Variants in GLRA3 observed in about 807,000 individuals in gnomAD.
GLRA3 encodes the protein glycine receptor subunit alpha-3.
In GLRA3, 44 loss-of-function variants were observed where a neutral mutation model predicts 60.4. That is an observed-to-expected ratio of 0.73 (90% CI 0.57 to 0.94). The LOEUF is 0.94. Ranked by LOEUF, GLRA3 falls within the 40% of genes least tolerant of loss-of-function variation. The pLI is 0.00. For synonymous variants in GLRA3, 223 were observed against 192.9 expected, an observed-to-expected ratio of 1.16 and a Z score of -1.29; for missense variants, 508 against 564.6, an observed-to-expected ratio of 0.90 and a Z score of 1.02.
chr4:174,804,730 G>A (rs1209633717), intron 1 of GLRA3, among the ~76,000 whole-genome samples: 1 of 152,110 alleles, frequency 6.6e-6, no homozygotes, highest in Non-Finnish European at 1.5e-5. Flanking sequence ...TGCACAGAAC[G>A]CGCGGTCCTG....
At chr4:174,745,109 A>G (rs1737190907) in intron 3 of GLRA3, among the ~76,000 whole-genome samples, 1 of 152,216 alleles carries the variant, frequency 6.6e-6, no homozygotes, top group African/African-American at 2.4e-5. Flanking sequence ...GGGAAAAATA[A>G]AGAAAAAAGA....
At chr4:174,740,107 G>A (rs192995885) in intron 3 of GLRA3, among the ~76,000 whole-genome samples, 213 of 152,208 alleles carry the variant, frequency 1.4e-3, no homozygotes, top group Middle Eastern at 6.8e-3. Flanking sequence ...ATTTGCACTC[G>A]CATCTAATTT....
intron 5 of GLRA3, chr4:174,712,658 C>A (rs1195323343): frequency 6.6e-6 from 1 of 151,980 alleles, no homozygotes; most frequent in East Asian, 1.9e-4. Flanking sequence ...TCTTTTCTTC[C>A]TTTCTGCAGT....
At chr4:174,646,040 A>G (rs1281758183) in intron 9 of GLRA3, among the ~76,000 whole-genome samples, 1 of 152,216 alleles carries the variant, frequency 6.6e-6, no homozygotes, top group Admixed American at 6.5e-5. Context: ...TTTAAACTAT[A>G]GCAACCTATG....
intron 1 of GLRA3, among the ~76,000 whole-genome samples, chr4:174,793,058 C>T (rs796485482): frequency 4.6e-5 from 7 of 152,128 alleles, no homozygotes; most frequent in African/African-American, 1.2e-4. Flanking sequence ...TCACTACAAG[C>T]CTCTGATTAA....
intron 2 of GLRA3, among the ~76,000 whole-genome samples, chr4:174,788,005 ACT>A (rs1739186023): frequency 6.6e-6 from 1 of 152,062 alleles, no homozygotes; most frequent in Non-Finnish European, 1.5e-5. Flanking sequence ...TATAGACAAC[ACT>A]TTTTTAAACT....
chr4:174,808,662 CAT>C (rs904551916), intron 1 of GLRA3, among the ~76,000 whole-genome samples: 19 of 152,032 alleles, frequency 1.2e-4, no homozygotes, highest in African/African-American at 3.1e-4. Context: ...CAGTTCCACA[CAT>C]GTTATCCCTG....
intron 5 of GLRA3, among the ~76,000 whole-genome samples, chr4:174,701,257 T>A (rs1036405551): frequency 6.6e-6 from 1 of 152,162 alleles, no homozygotes; most frequent in Non-Finnish European, 1.5e-5. Flanking sequence ...ACAATTATTA[T>A]GCTAAATCTA....
intron 5 of GLRA3, among the ~76,000 whole-genome samples, chr4:174,709,527 A>G (rs1242088348): frequency 1.3e-5 from 2 of 152,044 alleles, no homozygotes; most frequent in African/African-American, 4.8e-5. Flanking sequence ...GAGAAAATAA[A>G]TGAAAGCAAC....
chr4:174,765,606 A>G (rs1738109274), intron 3 of GLRA3, among the ~76,000 whole-genome samples: 1 of 152,034 alleles, frequency 6.6e-6, no homozygotes, highest in African/African-American at 2.4e-5. Flanking sequence ...TGGACTGAAT[A>G]TGTACAAATG....
intron 3 of GLRA3, among the ~76,000 whole-genome samples, chr4:174,754,429 G>C (rs1737606340): frequency 6.6e-6 from 1 of 152,084 alleles, no homozygotes; most frequent in African/African-American, 2.4e-5. Context: ...AGAAAAAAAA[G>C]AGAAGGAGGA....
chr4:174,644,666 T>C (rs980343402), intron 9 of GLRA3, among the ~76,000 whole-genome samples: 2 of 152,208 alleles, frequency 1.3e-5, no homozygotes, highest in South Asian at 4.1e-4. Context: ...CTAGTTTATA[T>C]ATGACTATGT....
At chr4:174,749,039 C>T (rs1737355312) in intron 3 of GLRA3, among the ~76,000 whole-genome samples, 2 of 151,972 alleles carry the variant, frequency 1.3e-5, no homozygotes, top group South Asian at 2.1e-4. Context: ...AATGGAGATT[C>T]CCTGTCATGT....
intron 5 of GLRA3, among the ~76,000 whole-genome samples, chr4:174,699,298 G>T (rs1460429555): frequency 6.6e-6 from 1 of 152,048 alleles, no homozygotes. Context: ...CACCATGTCT[G>T]GCCATAATTA....
At chr4:174,797,694 C>A (rs10027130) in intron 1 of GLRA3, among the ~76,000 whole-genome samples, 71,431 of 151,792 alleles carry the variant, frequency 0.47, 18,078 homozygotes, top group African/African-American at 0.63. Context: ...CAGCACCGGG[C>A]GGCCAAGGTG....
rs1733322874 is a variant in GLRA3, at chr4:174,659,059, T to C, written c.1066A>G (p.Asn356Asp). 2.5e-6 allele frequency: 4 copies of C among 1,612,430 alleles called. No individual in the cohort carries two copies. Among genetic ancestry groups the C allele is most frequent in the Non-Finnish European group, 1.7e-6 (2 of 1,178,852 alleles). ...CAATACGTTTAATCACTTACCTTAT[T>C]CTTTCTCTTTCGTCGAAATCTCAGA... ...ELLRFRRKRK[N>D]KTEAFALEKF... is the part of the protein sequence containing the mutation. The change falls in exon 8 of 10, where the codon AAT (asparagine) becomes GAT (aspartate). Residue 356 changes from asparagine (N) to aspartate (D), a missense_variant. By Grantham distance (23) the Asn-to-Asp change is conservative (BLOSUM62 1). This residue lies in a region of GLRA3 where 176 missense variants were observed against 197.9 expected (regional missense o/e 0.89). Transcript: ENST00000274093.
At chr4:174,822,748 T>C (rs982336009) in intron 1 of GLRA3, among the ~76,000 whole-genome samples, 1 of 152,222 alleles carries the variant, frequency 6.6e-6, no homozygotes, top group African/African-American at 2.4e-5. Context: ...TGGAGAATTC[T>C]TCATCGCTTA....
chr4:174,683,188 A>G (rs1476646618), intron 5 of GLRA3, among the ~76,000 whole-genome samples: 2 of 152,152 alleles, frequency 1.3e-5, no homozygotes, highest in African/African-American at 2.4e-5. Context: ...TGGCATGTCA[A>G]AACTTGAAGG....
In GLRA3 at chr4:174,642,152, T is replaced by G. The variant is rs953643107; in HGVS notation, c.*1634A>C. On this transcript the variant is annotated 3_prime_UTR_variant, in exon 10 of 10. Transcript: ENST00000274093. ...CTAGCAAAAACTGCTTAACATTTAC[T>G]ATTTTTTAAAATGTTATTTTAAAAA... 4.1e-5 allele frequency: 35 copies of G among 862,468 alleles called. No homozygotes were observed. Among genetic ancestry groups the G allele is most frequent in the African/African-American group, 9.1e-5 (5 of 54,812 alleles). 53.4% of individuals were successfully genotyped at this position (862,468 alleles called of 1,614,324 possible). A position where few individuals can be genotyped will look rare whatever the true frequency, so the allele number is the denominator to read the frequency against.
Sources: gnomAD v4.1 joint callset for allele counts (sites outside exome capture counted in the v4.1 genomes callset) on GRCh38, gnomAD v4.1.1 for gene constraint, gnomAD v4.1.1 regional missense constraint, MANE v1.5 for transcripts, NCBI Gene and HGNC (gene_info 2026-07-23, HGNC 2026-07-21) for gene names.